Variants in MEI4 observed in about 807,000 individuals in gnomAD.
The protein encoded by MEI4 is meiotic double-stranded break formation protein 4.
MEI4 carries 27 observed loss-of-function variants against 31.4 expected under a neutral mutation model. That is an observed-to-expected ratio of 0.86 (90% CI 0.63 to 1.19). The LOEUF is 1.19. Among genes scored for constraint, MEI4 ranks in the 50% most tolerant of loss-of-function variants. The pLI is 0.00. For synonymous variants in MEI4, 122 were observed against 145.4 expected, an observed-to-expected ratio of 0.84 and a Z score of 1.16; for missense variants, 329 against 398.9, an observed-to-expected ratio of 0.82 and a Z score of 1.49.
intron 1 of MEI4, among the ~76,000 whole-genome samples, chr6:77,670,336 T>C (rs1272681311): frequency 6.6e-6 from 1 of 152,060 alleles, no homozygotes; most frequent in Non-Finnish European, 1.5e-5. Context: ...GTATAGTTGA[T>C]TGGTTATTTA....
chr6:77,673,230 T>G (rs540824129), intron 1 of MEI4, among the ~76,000 whole-genome samples: 20 of 152,282 alleles, frequency 1.3e-4, no homozygotes, highest in Admixed American at 3.9e-4. Context: ...TCCAAATAAA[T>G]AGCATAATAG....
At chr6:77,748,233 C>G (rs1200068618) in intron 2 of MEI4, among the ~76,000 whole-genome samples, 1 of 152,230 alleles carries the variant, frequency 6.6e-6, no homozygotes, top group Non-Finnish European at 1.5e-5. Flanking sequence ...GCCTTCCACA[C>G]TGCCATAGCA....
At chr6:77,913,283 G>A (rs1766470686) in intron 4 of MEI4, among the ~76,000 whole-genome samples, 1 of 152,106 alleles carries the variant, frequency 6.6e-6, no homozygotes. Flanking sequence ...TTTGGTAGTA[G>A]GGTAATAACT....
intron 3 of MEI4, among the ~76,000 whole-genome samples, chr6:77,797,298 T>C (rs1178618950): frequency 6.6e-6 from 1 of 152,162 alleles, no homozygotes; most frequent in Non-Finnish European, 1.5e-5. Flanking sequence ...TTTTTGGATA[T>C]GACACCAAAG....
intron 2 of MEI4, among the ~76,000 whole-genome samples, chr6:77,711,487 A>G (rs1352937128): frequency 6.6e-6 from 1 of 152,112 alleles, no homozygotes; most frequent in Non-Finnish European, 1.5e-5. Flanking sequence ...TCTGACATGG[A>G]CCTTTTTGGG....
At chr6:77,914,165 AGTTT>A (rs1345810782) in intron 4 of MEI4, among the ~76,000 whole-genome samples, 4 of 145,296 alleles carry the variant, frequency 2.8e-5, no homozygotes, top group Middle Eastern at 7.3e-3. Context: ...TTGTTTTCCT[AGTTT>A]GTTTATTGAG....
chr6:77,921,935 T>A (rs1220557011), intron 4 of MEI4, among the ~76,000 whole-genome samples: 1 of 150,924 alleles, frequency 6.6e-6, no homozygotes, highest in Admixed American at 6.6e-5. Context: ...CAGTGAAAAA[T>A]TTGAAATATT....
chr6:77,865,446 AAC>A (rs1342411379), intron 4 of MEI4, among the ~76,000 whole-genome samples: 1 of 152,204 alleles, frequency 6.6e-6, no homozygotes, highest in Non-Finnish European at 1.5e-5. Flanking sequence ...GAATACTATA[AAC>A]ACTTCTACGC....
chr6:77,850,391 C>T (rs1165065166), intron 4 of MEI4, among the ~76,000 whole-genome samples: 2 of 152,178 alleles, frequency 1.3e-5, no homozygotes, highest in East Asian at 3.8e-4. Context: ...ACTTATACTA[C>T]AAGGCCACAG....
chr6:77,902,957 C>G (rs550315537), intron 4 of MEI4, among the ~76,000 whole-genome samples: 41 of 152,214 alleles, frequency 2.7e-4, no homozygotes, highest in African/African-American at 9.4e-4. Context: ...TCAAATTTGG[C>G]AAATAAACTT....
intron 2 of MEI4, among the ~76,000 whole-genome samples, chr6:77,731,861 C>T (rs1157000515): frequency 2.0e-5 from 3 of 151,522 alleles, no homozygotes; most frequent in Admixed American, 1.3e-4. Context: ...AGCCAGTTTT[C>T]CAGCACCATT....
chr6:77,690,944 G>A (rs1018565089), intron 2 of MEI4, 41 bp downstream of exon 2: 2 of 1,028,360 alleles, frequency 1.9e-6, no homozygotes, highest in Admixed American at 4.3e-5. Context: ...TGTCATACTT[G>A]TTTTATTTCA....
intron 4 of MEI4, among the ~76,000 whole-genome samples, chr6:77,913,307 G>A (rs555257167): frequency 2.6e-5 from 4 of 152,202 alleles, no homozygotes; most frequent in Admixed American, 6.5e-5. Context: ...CTCTTAGAAC[G>A]AATTAGGGAG....
chr6:77,889,219 G>A lies in MEI4; in HGVS notation c.901-33870G>A, dbSNP rs553657221. ...CTTTGGAACTGGGTAATAGGCAGAG[G>A]TTGGAAGTTTGGAGGGCTGAGAAGA... is the stretch of plus-strand genomic sequence containing the variant. On this transcript the variant is annotated intron_variant, in intron 4 of 4. Coordinates refer to ENST00000684080, the MANE Select transcript of MEI4 (RefSeq NM_001322247.2). Among the ~76,000 whole-genome samples, 6 of 152,288 alleles carry A rather than the reference G, an allele frequency of 3.9e-5. No homozygotes were observed. In the South Asian group the frequency reaches 1.2e-3, roughly 32 times the overall value.
intron 4 of MEI4, among the ~76,000 whole-genome samples, chr6:77,893,144 C>A (rs75050591): frequency 8.5e-4 from 130 of 152,276 alleles, no homozygotes; most frequent in Non-Finnish European, 8.8e-4. Context: ...TCCCAATGTT[C>A]TCTCTTAGAC....
intron 3 of MEI4, among the ~76,000 whole-genome samples, chr6:77,811,885 C>CTTAGGG (rs1224777623): frequency 1.3e-5 from 2 of 152,002 alleles, no homozygotes. Context: ...AGATGCTATA[C>CTTAGGG]TTAGCTGTTT....
At chr6:77,671,719 T>C (rs1350957172) in intron 1 of MEI4, among the ~76,000 whole-genome samples, 2 of 59,726 alleles carry the variant, frequency 3.3e-5, no homozygotes, top group Non-Finnish European at 7.4e-5. Context: ...CCAAGCTAGT[T>C]GACTGTTCCC....
At chr6:77,867,996 C>T (rs906190556) in intron 4 of MEI4, among the ~76,000 whole-genome samples, 1 of 151,368 alleles carries the variant, frequency 6.6e-6, no homozygotes, top group Admixed American at 6.6e-5. Context: ...CATGTTCTCA[C>T]TCATAGGTGG....
At chr6:77,874,372 G>T (rs1277653554) in intron 4 of MEI4, among the ~76,000 whole-genome samples, 8 of 152,126 alleles carry the variant, frequency 5.3e-5, no homozygotes, top group South Asian at 2.1e-4. Flanking sequence ...AAGCAATTGT[G>T]AATGGGAATT....
Sources: allele counts gnomAD v4.1 joint callset (sites outside exome capture counted in the v4.1 genomes callset), GRCh38; gene constraint gnomAD v4.1.1; transcripts MANE v1.5; gene names NCBI Gene and HGNC (gene_info 2026-07-23, HGNC 2026-07-21).